The following USH2A variants were observed in gnomAD, a reference collection of about 807,000 sequenced individuals.
USH2A encodes Usher syndrome 2A (autosomal recessive, mild).
Under a neutral mutation model 538.9 loss-of-function variants are expected in USH2A, and 443 were observed. The observed-to-expected ratio is 0.82, with a 90% CI of 0.76 to 0.89. The LOEUF (loss-of-function observed/expected upper bound fraction) is 0.89, where lower values mean the gene tolerates loss of function less well. Ranked by LOEUF, USH2A falls within the 40% of genes least tolerant of loss-of-function variation. USH2A has a pLI of 0.00. For synonymous variants in USH2A, 2,413 were observed against 2,273.5 expected (o/e 1.06, Z -1.75); for missense variants, 6,633 against 6,324.8 (o/e 1.05, Z -1.65).
intron 47 of USH2A, among the ~76,000 whole-genome samples, chr1:215,823,375 G>C (rs916485664): frequency 6.6e-6 from 1 of 151,898 alleles, no homozygotes; most frequent in African/African-American, 2.4e-5. Flanking sequence ...CTTCCTCCTA[G>C]CTTGTATGGT....
Position 215,741,517 on chromosome 1 carries a change from T to C in USH2A, c.11569A>G (p.Arg3857Gly), listed in dbSNP as rs1490759518. 8.7e-6 allele frequency: 14 copies of C among 1,613,380 alleles called. No homozygotes were observed. Among genetic ancestry groups the C allele is most frequent in the Admixed American group, 5.0e-5 (3 of 59,938 alleles). Residue 3857 changes from arginine (R) to glycine (G), a missense_variant, in exon 60 of 72, where the codon AGG becomes GGG. By Grantham distance (125) the Arg-to-Gly change is moderately radical. Transcript: ENST00000307340. The part of the protein sequence containing the change: ...CQNGSCGVSS[R>G]MFVKTPEAAP... ...GCTTCAGGTGTTTTGACAAACATCC[T>C]ACTGCTAACTCCACAACTTCCTTGA...
chr1:216,299,578 A>T (rs1209963296), intron 9 of USH2A, among the ~76,000 whole-genome samples: 1 of 152,162 alleles, frequency 6.6e-6, no homozygotes, highest in Non-Finnish European at 1.5e-5. Flanking sequence ...TACATTTATT[A>T]CTAATGTATT....
chr1:216,293,710 G>A (rs911980943), intron 9 of USH2A, among the ~76,000 whole-genome samples: 4 of 152,066 alleles, frequency 2.6e-5, no homozygotes, highest in Non-Finnish European at 5.9e-5. Context: ...TGTCACTCGG[G>A]TTTATCACTC....
intron 3 of USH2A, among the ~76,000 whole-genome samples, chr1:216,379,782 G>C (rs1020041363): frequency 2.6e-5 from 4 of 152,284 alleles, no homozygotes; most frequent in Middle Eastern, 3.4e-3. Context: ...CAATTGAAAA[G>C]CTTGAGTATC....
rs1480384486 is a variant in USH2A, at chr1:216,078,192, T to G, written c.5469A>C (p.Ala1823=). 1.2e-6 allele frequency: 2 copies of G among 1,613,818 alleles called. No individual in the cohort carries two copies. The highest frequency in any genetic ancestry group is 2.2e-5 in the East Asian group (1 of 44,856). Residue 1823 remains alanine (A), a synonymous_variant, in exon 27 of 72, where the codon GCA becomes GCC. Coordinates refer to ENST00000307340, the MANE Select transcript of USH2A (RefSeq NM_206933.4). ...CCAGTGGCTGGTCTCCGGACTCCGA[T>G]GCATGCTTCATCAGTCCATTCACAC... ...SASVNGLMKH[A]SESGDQPLVV...
chr1:216,183,825 A>G (rs185307670), intron 20 of USH2A, among the ~76,000 whole-genome samples: 37 of 152,132 alleles, frequency 2.4e-4, no homozygotes, highest in Non-Finnish European at 4.3e-4. Context: ...GAACTCCTAA[A>G]TGTGCGGTTC....
At chr1:215,775,422 C>G (rs1005799524) in intron 55 of USH2A, among the ~76,000 whole-genome samples, 3 of 152,130 alleles carry the variant, frequency 2.0e-5, no homozygotes, top group Admixed American at 1.3e-4. Flanking sequence ...TAGTCAAATA[C>G]TAGTTTACTA....
At chr1:216,095,237 T>C (rs931100421) in intron 22 of USH2A, among the ~76,000 whole-genome samples, 6 of 152,170 alleles carry the variant, frequency 3.9e-5, no homozygotes, top group African/African-American at 1.4e-4. Context: ...CGCTTCTTAG[T>C]GACAGTAGTA....
At position 216,070,191 on chromosome 1, in the gene USH2A, A is replaced by G. The variant is rs747652397; in HGVS notation, c.5959T>C (p.Tyr1987His). The G allele has an allele frequency of 3.7e-6, 6 of 1,613,904 alleles. No homozygotes were observed. Among genetic ancestry groups the G allele is most frequent in the Non-Finnish European group, 4.2e-6 (5 of 1,179,948 alleles). ...TCCTCACTATAGGCTTTCAGAATGT[A>G]CTTCTCAATTACACCTCTGACAACA... ...EPVVRGVIEK[Y>H]ILKAYSEDST... Residue 1987 changes from tyrosine to histidine, a missense_variant, in exon 30 of 72, where the codon TAC becomes CAC. Transcript: ENST00000307340.
At chr1:216,154,410 TA>T (rs2033899411) in intron 21 of USH2A, among the ~76,000 whole-genome samples, 1 of 149,592 alleles carries the variant, frequency 6.7e-6, no homozygotes, top group African/African-American at 2.5e-5. Flanking sequence ...GGTAAAATAA[TA>T]TTAAAATTGT....
rs551186630 is a variant in USH2A at position 216,043,741 on chromosome 1, G to T, written c.6325+2690C>A. Among the ~76,000 whole-genome samples, 3 of 152,066 alleles carry T rather than the reference G, an allele frequency of 2.0e-5. No individual in the cohort carries two copies. The South Asian group carries it at 6.2e-4, about 32-fold the overall frequency. On this transcript the variant is annotated intron_variant, in intron 32 of 71. Coordinates refer to ENST00000307340, the MANE Select transcript of USH2A (RefSeq NM_206933.4). ...CCTCTCCCTACACTGCCCTTTTTCC[G>T]GTTTTGTCCAGTGTAACCTCATATG...
At chr1:215,784,676 A>G (rs1661743022) in intron 52 of USH2A, among the ~76,000 whole-genome samples, 1 of 152,220 alleles carries the variant, frequency 6.6e-6, no homozygotes. Flanking sequence ...GACTTAATCT[A>G]AATTGTTCTC....
At chr1:215,651,569 T>G (rs1657080120) in intron 64 of USH2A, among the ~76,000 whole-genome samples, 1 of 152,048 alleles carries the variant, frequency 6.6e-6, no homozygotes, top group Non-Finnish European at 1.5e-5. Context: ...TCTTCTACAT[T>G]ATATATTTTC....
intron 22 of USH2A, among the ~76,000 whole-genome samples, chr1:216,089,835 AAG>A (rs904445156): frequency 3.3e-5 from 5 of 151,830 alleles, no homozygotes; most frequent in Non-Finnish European, 7.4e-5. Context: ...AAAACTGAGA[AAG>A]AGAAATAGAA....
chr1:216,322,807 T>C (rs1027528811), intron 8 of USH2A, among the ~76,000 whole-genome samples: 1 of 152,146 alleles, frequency 6.6e-6, no homozygotes, highest in Non-Finnish European at 1.5e-5. Context: ...AAAGACATAT[T>C]TTATTCACAA....
chr1:216,130,213 G>GT lies in USH2A; in HGVS notation c.4628-33001dup, dbSNP rs562839943. Among the ~76,000 whole-genome samples, 374 of 151,918 alleles carry GT rather than the reference G, an allele frequency of 2.5e-3. 3 individuals carry two copies. The highest frequency in any genetic ancestry group is 5.8e-3 in the Admixed American group (88 of 15,208). On this transcript the variant is annotated intron_variant, in intron 21 of 71. Coordinates refer to ENST00000307340, the MANE Select transcript of USH2A (RefSeq NM_206933.4). ...GCACAGGTGGTGTTTGGTTACATGA[G>GT]TAAGTTCTTTAGTGGTGATTTGTGA...
At chr1:215,975,566 T>C (rs1222097218) in intron 35 of USH2A, among the ~76,000 whole-genome samples, 1 of 152,216 alleles carries the variant, frequency 6.6e-6, no homozygotes, top group African/African-American at 2.4e-5. Context: ...ATTTTTAAAA[T>C]AGGCAGTCCT....
At chr1:215,952,614 T>C (rs143174300) in intron 37 of USH2A, among the ~76,000 whole-genome samples, 4,874 of 152,252 alleles carry the variant, frequency 0.032, 123 homozygotes, top group South Asian at 0.084. Flanking sequence ...GTCTGTAAAG[T>C]ATTTTTTTTC....
chr1:215,718,774 A>G (rs767740306), intron 61 of USH2A, among the ~76,000 whole-genome samples: 16 of 152,188 alleles, frequency 1.1e-4, no homozygotes, highest in Non-Finnish European at 2.1e-4. Context: ...GGTAGTGGCT[A>G]CTTTCCATCT....
Sources: gnomAD v4.1 joint callset for allele counts (sites outside exome capture counted in the v4.1 genomes callset) on GRCh38, gnomAD v4.1.1 for gene constraint, MANE v1.5 for transcripts, NCBI Gene and HGNC (gene_info 2026-07-23, HGNC 2026-07-21) for gene names.